The following SEMA6B variants were observed in gnomAD, a reference collection of about 807,000 sequenced individuals.
SEMA6B encodes the protein semaphorin-6B.
SEMA6B carries 47 observed loss-of-function variants against 78.6 expected under a neutral mutation model. That is an observed-to-expected ratio of 0.60 (90% confidence interval 0.47 to 0.76). SEMA6B has a LOEUF of 0.76. Among genes scored for constraint, SEMA6B ranks in the 30% least tolerant of loss-of-function variants. The pLI is 0.00. For synonymous variants in SEMA6B, 632 were observed against 592.2 expected, an observed-to-expected ratio of 1.07 and a Z score of -0.98; for missense variants, 1,213 against 1,269.9, an observed-to-expected ratio of 0.96 and a Z score of 0.68.
chr19:4,550,298 G>A lies in SEMA6B; in HGVS notation c.1122-26C>T. The A allele has an allele frequency of 6.2e-7, 1 of 1,612,660 alleles. No individual in the cohort carries two copies. The highest frequency in any genetic ancestry group is 2.2e-5 in the East Asian group (1 of 44,836). ...CTGGGGGTGACAAGGGTGTGGTCAG[G>A]ACGAACGTAAAGGTTCTCATAAAGG... On this transcript the variant is annotated intron_variant, in intron 11 of 16. Coordinates refer to ENST00000586582, the MANE Select transcript of SEMA6B (RefSeq NM_032108.4). The surrounding 1 kb of genome is among the most constrained non-coding windows in gnomAD (Gnocchi z 6.6).
rs893346982 is a variant in SEMA6B at position 4,558,871 on chromosome 19, A to T, written c.-32-382T>A. Among the ~76,000 whole-genome samples the T allele has an allele frequency of 2.0e-5, 3 of 152,098 alleles. No individual in the cohort carries two copies. The highest frequency in any genetic ancestry group is 2.0e-4 in the Admixed American group (3 of 15,274). On this transcript the variant is annotated intron_variant, in intron 1 of 16. Transcript: ENST00000586582. This position sits in a 1 kb window ranked among gnomAD's most constrained non-coding sequence, Gnocchi z 5.1. ...ATATTAAACTCAAAGGCTAAAAAAA[A>T]AAAGAGTCAAAGGCTCTTGGAATTT...
chr19:4,543,577 C>A lies in SEMA6B; in HGVS notation c.*24G>T. The A allele has an allele frequency of 8.4e-7, 1 of 1,184,852 alleles. No individual in the cohort carries two copies. Among genetic ancestry groups the A allele is most frequent in the Non-Finnish European group, 1.1e-6 (1 of 942,124 alleles). The allele number at this position is 1,184,852 out of a possible 1,614,324, so 73.4% of individuals were successfully genotyped here. ...CTCCTGGTTCCCGTGGCTGGCACTG[C>A]CAAGGCATCGGGGGGCCCCCGGCCT... On this transcript the variant is annotated 3_prime_UTR_variant, in exon 17 of 17. Coordinates refer to ENST00000586582, the MANE Select transcript of SEMA6B (RefSeq NM_032108.4).
rs1310831376 is a variant in SEMA6B, at chr19:4,542,704, G to T, written c.*897C>A. On this transcript the variant is annotated 3_prime_UTR_variant, in exon 17 of 17. Coordinates refer to ENST00000586582, the MANE Select transcript of SEMA6B (RefSeq NM_032108.4). ...ATGCATGGTCAGCTGGAGGTCAGAG[G>T]GGGGAGGTCACAAGGGGACGGGTGG... is the stretch of plus-strand genomic sequence containing the variant. The T allele has an allele frequency of 1.5e-6, 1 of 672,734 alleles. No individual in the cohort carries two copies. The highest frequency in any genetic ancestry group is 2.7e-6 in the Non-Finnish European group (1 of 366,530). 41.7% of individuals were successfully genotyped at this position (672,734 alleles called of 1,614,324 possible).
At chr19:4,547,875 T>G in intron 14 of SEMA6B, 152 bp downstream of exon 14, 4 of 901,520 alleles carry the variant, frequency 4.4e-6, no homozygotes, top group East Asian at 2.8e-5. Context: ...ACACCAGGAG[T>G]GGTCCTGCCC....
intron 14 of SEMA6B, 57 bp from the exon 15 acceptor site, chr19:4,546,526 A>C: frequency 4.1e-6 from 5 of 1,211,228 alleles, no homozygotes; most frequent in Non-Finnish European, 5.7e-6. Flanking sequence ...CACAACCCCA[A>C]TGGTGATGGT....
intron 1 of SEMA6B, among the ~76,000 whole-genome samples, chr19:4,559,108 C>T (rs1341644189): frequency 6.6e-6 from 1 of 151,100 alleles, no homozygotes; most frequent in African/African-American, 2.4e-5. Context: ...GCAGGAGAAT[C>T]CCTTGAACCC....
At position 4,543,735 on chromosome 19, in the gene SEMA6B, G is replaced by T; in HGVS notation, c.2533C>A (p.Arg845Ser). The T allele has an allele frequency of 3.3e-6, 4 of 1,227,752 alleles. No homozygotes were observed. Among genetic ancestry groups the T allele is most frequent in the Non-Finnish European group, 4.1e-6 (4 of 985,388 alleles). 76.1% of individuals were successfully genotyped at this position (1,227,752 alleles called of 1,614,324 possible). A position where few individuals can be genotyped will look rare whatever the true frequency, so the allele number is the denominator to read the frequency against. Reference protein sequence around the residue: ...PHAPPAATLRRTHTFNSGEAR... With the variant: ...PHAPPAATLRSTHTFNSGEAR... ...TCGCCGCTGTTGAACGTGTGGGTGC[G>T]GCGCAGGGTGGCGGCCGGAGGGGCG... Residue 845 changes from arginine (R) to serine (S), a missense_variant, in exon 17 of 17, where the codon CGC becomes AGC. Physicochemically the swap from Arg to Ser is moderately radical, Grantham distance 110. Transcript: ENST00000586582.
intron 16 of SEMA6B, among the ~76,000 whole-genome samples, chr19:4,545,405 C>T (rs186344668): frequency 6.6e-6 from 1 of 151,822 alleles, no homozygotes; most frequent in Admixed American, 6.6e-5. Flanking sequence ...GGCCTGATCA[C>T]AGCTCATTGC....
chr19:4,548,492 A>G (rs540817157), intron 12 of SEMA6B, 47 bp from the exon 13 acceptor site: 9 of 1,558,146 alleles, frequency 5.8e-6, no homozygotes, highest in Non-Finnish European at 7.9e-6. Context: ...ATATCACCAC[A>G]TGCCACCAAC....
rs756465484 is a variant in SEMA6B at position 4,550,870 on chromosome 19, G to A, written c.1050C>T (p.Gly350=). Residue 350 remains glycine, a synonymous_variant, in exon 11 of 17, where the codon GGC becomes GGT. Coordinates refer to ENST00000586582, the MANE Select transcript of SEMA6B (RefSeq NM_032108.4). The surrounding 1 kb of genome is among the most constrained non-coding windows in gnomAD (Gnocchi z 6.6). ...DLTQVAAVFE[G]RFREQKSPES... ...CGGGGGACTTCTGCTCTCGGAAGCG[G>A]CCTTCAAACACAGCTGCCACCTGTG... The A allele has an allele frequency of 1.6e-5, 26 of 1,613,526 alleles. No individual in the cohort carries two copies. Among genetic ancestry groups the A allele is most frequent in the Non-Finnish European group, 2.2e-5 (26 of 1,180,026 alleles).
At chr19:4,557,632 G>C (rs533567734) in intron 3 of SEMA6B, among the ~76,000 whole-genome samples, 1 of 152,244 alleles carries the variant, frequency 6.6e-6, no homozygotes, top group South Asian at 2.1e-4. Flanking sequence ...GATCTGTCCG[G>C]TCTCTCTCCT....
rs1977293324 is a variant in SEMA6B at position 4,550,368 on chromosome 19, CA to C, written c.1122-97del. On this transcript the variant is annotated intron_variant, in intron 11 of 16. Transcript: ENST00000586582. The surrounding 1 kb of genome is among the most constrained non-coding windows in gnomAD (Gnocchi z 6.6). Reference sequence around the variant, plus strand: ...ACCCATTGCTTTGCCCAACGACCCTCAGGTTTTTTGTTTGTTTTGTTTTTGA... The same window carrying C: ...ACCCATTGCTTTGCCCAACGACCCTCGGTTTTTTGTTTGTTTTGTTTTTGA... The C allele has an allele frequency of 3.1e-6, 4 of 1,288,956 alleles. No individual in the cohort carries two copies. In the East Asian group the frequency reaches 9.3e-5, roughly 30 times the overall value. The allele number at this position is 1,288,956 out of a possible 1,614,324, so 79.8% of individuals were successfully genotyped here.
chr19:4,556,817 C>T lies in SEMA6B; in HGVS notation c.369+134G>A, dbSNP rs1260953293. On this transcript the variant is annotated intron_variant, in intron 5 of 16. Coordinates refer to ENST00000586582, the MANE Select transcript of SEMA6B (RefSeq NM_032108.4). ...GGCCAGGGCTGGCAGTTGGGCGGGG[C>T]CAGGGCTGATTGGGGGTGGGTTGGG... 4 of 748,904 alleles carry T rather than the reference C, an allele frequency of 5.3e-6. No homozygotes were observed. In the African/African-American group the frequency reaches 6.8e-5, roughly 13 times the overall value. 46.4% of individuals were successfully genotyped at this position (748,904 alleles called of 1,614,324 possible).
chr19:4,554,482 G>C lies in SEMA6B; in HGVS notation c.683-6C>G, dbSNP rs1168970872. The C allele has an allele frequency of 6.2e-7, 1 of 1,611,130 alleles. No individual in the cohort carries two copies. The highest frequency in any genetic ancestry group is 1.3e-5 in the African/African-American group (1 of 74,864). Reference sequence around the variant, plus strand: ...CGCATGGACAAAGTAAGGCTCTGCAGGACAGGAGGGGTCAGAACTCAGCCC... The same window carrying C: ...CGCATGGACAAAGTAAGGCTCTGCACGACAGGAGGGGTCAGAACTCAGCCC... On this transcript the variant is annotated splice_polypyrimidine_tract_variant and splice_region_variant and intron_variant, in intron 8 of 16. Transcript: ENST00000586582.
Position 4,548,350 on chromosome 19 carries a change from T to C in SEMA6B, c.1367A>G (p.Lys456Arg). ...GCTGGCATTGGGCCGGACGAGGAAC[T>C]TGAGGACCGTCCCCGCCTCAGAACC... ...FLGSEAGTVL[K>R]FLVRPNASTS... The change falls in exon 13 of 17, where the codon AAG becomes AGG. Residue 456 changes from lysine (K) to arginine (R), a missense_variant. Lys to Arg is a conservative substitution (Grantham distance 26). Coordinates refer to ENST00000586582, the MANE Select transcript of SEMA6B (RefSeq NM_032108.4). 6.2e-7 allele frequency: 1 copy of C among 1,613,894 alleles called. No individual in the cohort carries two copies. The highest frequency in any genetic ancestry group is 8.5e-7 in the Non-Finnish European group (1 of 1,180,026).
rs1299055282 is a variant in SEMA6B at position 4,544,483 on chromosome 19, C to T, written c.1785G>A (p.Ser595=). The change falls in exon 17 of 17, where the codon TCG becomes TCA. Residue 595 remains serine (S), a synonymous_variant. Coordinates refer to ENST00000586582, the MANE Select transcript of SEMA6B (RefSeq NM_032108.4). The surrounding 1 kb of genome is among the most constrained non-coding windows in gnomAD (Gnocchi z 5.1). ...SLSEDRAGLV[S]VNLLVTSSVA... ...CCGACGACGTTACCAGCAGGTTCAC[C>T]GACACCAGCCCCGCGCGGTCCTCGG... 1.9e-6 allele frequency: 3 copies of T among 1,593,882 alleles called. No homozygotes were observed. Among genetic ancestry groups the T allele is most frequent in the Middle Eastern group, 1.7e-4 (1 of 5,934 alleles).
chr19:4,558,546 C>T lies in SEMA6B; in HGVS notation c.-32-57G>A, dbSNP rs191570960. ...TGCAGTCCCGCTCGTGGCCACAAGACGGCGGGCGAGAGCAGCAGACGCTCC... is the reference window on the plus strand; with the variant it reads ...TGCAGTCCCGCTCGTGGCCACAAGATGGCGGGCGAGAGCAGCAGACGCTCC... On this transcript the variant is annotated intron_variant, in intron 1 of 16. Coordinates refer to ENST00000586582, the MANE Select transcript of SEMA6B (RefSeq NM_032108.4). The surrounding 1 kb of genome is among the most constrained non-coding windows in gnomAD (Gnocchi z 5.1). 1.7e-6 allele frequency: 2 copies of T among 1,164,104 alleles called. No individual in the cohort carries two copies. Among genetic ancestry groups the T allele is most frequent in the Non-Finnish European group, 2.2e-6 (2 of 926,088 alleles). 72.1% of individuals were successfully genotyped at this position (1,164,104 alleles called of 1,614,324 possible).
In SEMA6B at chr19:4,544,564, G is replaced by A. The variant is rs776582297; in HGVS notation, c.1739-35C>T. Reference sequence around the variant, plus strand: ...GAGCACAGGGGGGTTAGTGGGGCCGGCGGGGTGGCCCTGGGCATCCCTCCT... The same window carrying A: ...GAGCACAGGGGGGTTAGTGGGGCCGACGGGGTGGCCCTGGGCATCCCTCCT... On this transcript the variant is annotated intron_variant, in intron 16 of 16. Transcript: ENST00000586582. This position sits in a 1 kb window ranked among gnomAD's most constrained non-coding sequence, Gnocchi z 5.1. 7.0e-5 allele frequency: 97 copies of A among 1,378,938 alleles called. No homozygotes were observed. The highest frequency in any genetic ancestry group is 9.3e-5 in the Non-Finnish European group (97 of 1,048,280). 85.4% of individuals were successfully genotyped at this position (1,378,938 alleles called of 1,614,324 possible). A position where few individuals can be genotyped will look rare whatever the true frequency, so the allele number is the denominator to read the frequency against.
rs778279725 is a variant in SEMA6B, at chr19:4,550,819, C to T, written c.1101G>A (p.Glu367=). The change falls in exon 11 of 17, where the codon GAG becomes GAA. Residue 367 remains glutamate, a synonymous_variant. Transcript: ENST00000586582. This position sits in a 1 kb window ranked among gnomAD's most constrained non-coding sequence, Gnocchi z 6.6. ...CTCACCGGGGTCGAGGCACCTGATCCTCCGGCACCGGCGTCCAGATGGACT... is the reference window on the plus strand; with the variant it reads ...CTCACCGGGGTCGAGGCACCTGATCTTCCGGCACCGGCGTCCAGATGGACT... The part of the protein sequence containing the change: ...SPESIWTPVP[E]DQVPRPRPGC... 6.2e-7 allele frequency: 1 copy of T among 1,613,474 alleles called. No homozygotes were observed. Among genetic ancestry groups the T allele is most frequent in the Admixed American group, 1.7e-5 (1 of 60,020 alleles).
Sources: allele counts gnomAD v4.1 joint callset (sites outside exome capture counted in the v4.1 genomes callset), GRCh38; gene constraint gnomAD v4.1.1; non-coding constraint Gnocchi (gnomAD v3.1); transcripts MANE v1.5; gene names NCBI Gene and HGNC (gene_info 2026-07-23, HGNC 2026-07-21).